The following NAALADL2 variants were observed in gnomAD, a reference collection of about 807,000 sequenced individuals.
NAALADL2 encodes the protein inactive N-acetylated-alpha-linked acidic dipeptidase-like protein 2.
NAALADL2 carries 76 observed loss-of-function variants against 87.2 expected under a neutral mutation model. That is an observed-to-expected ratio of 0.87 (90% confidence interval 0.72 to 1.05). The LOEUF is 1.05. Among genes scored for constraint, NAALADL2 ranks in the 50% least tolerant of loss-of-function variants. NAALADL2 has a pLI of 0.00. For missense variants in NAALADL2, 1,089 were observed against 945.8 expected (o/e 1.15, Z -1.99); for synonymous variants, 354 against 331.0 (o/e 1.07, Z -0.75).
At chr3:175,641,039 G>A (rs548720889) in intron 11 of NAALADL2, among the ~76,000 whole-genome samples, 18 of 152,210 alleles carry the variant, frequency 1.2e-4, no homozygotes, top group South Asian at 2.1e-4. Flanking sequence ...GCATTTATCC[G>A]TTGGCTTCTG....
At chr3:175,714,908 A>G (rs1179591291) in intron 11 of NAALADL2, among the ~76,000 whole-genome samples, 5 of 152,200 alleles carry the variant, frequency 3.3e-5, no homozygotes, top group Non-Finnish European at 5.9e-5. Flanking sequence ...CTTAAACGTA[A>G]GACCTAAAAC....
At chr3:175,020,513 C>T (rs1476664030) in intron 1 of NAALADL2, among the ~76,000 whole-genome samples, 1 of 151,962 alleles carries the variant, frequency 6.6e-6, no homozygotes, top group Non-Finnish European at 1.5e-5. Flanking sequence ...TTCATGGCAC[C>T]ACCATTCTCC....
chr3:174,835,671 C>A (rs1236439852), intron 3 of NAALADL2, among the ~76,000 whole-genome samples: 1 of 152,038 alleles, frequency 6.6e-6, no homozygotes, highest in Non-Finnish European at 1.5e-5. Context: ...ACTAAACAAT[C>A]TGATTTTTTA....
chr3:175,612,323 G>A (rs1347621126), intron 10 of NAALADL2, among the ~76,000 whole-genome samples: 2 of 152,100 alleles, frequency 1.3e-5, no homozygotes, highest in East Asian at 3.9e-4. Context: ...CTTAATATTT[G>A]ACAAAAAGAT....
At chr3:174,681,525 A>G (rs1727537523) in intron 2 of NAALADL2, among the ~76,000 whole-genome samples, 2 of 152,126 alleles carry the variant, frequency 1.3e-5, no homozygotes, top group South Asian at 2.1e-4. Context: ...TAGGACTCCA[A>G]TCAGAAACCT....
rs559047987 is a variant in NAALADL2 at position 174,811,485 on chromosome 3, G to A, written c.-9+73739G>A. Among the ~76,000 whole-genome samples, 4 of 152,306 alleles carry A rather than the reference G, an allele frequency of 2.6e-5. No homozygotes were observed. The East Asian group carries it at 7.7e-4, about 29-fold the overall frequency. ...ACTTAATGACTACCCTGCTGGGTTTGCACTTGCATGGGGCATGCAACCCTT... is the reference window on the plus strand; with the variant it reads ...ACTTAATGACTACCCTGCTGGGTTTACACTTGCATGGGGCATGCAACCCTT... On this transcript the variant is annotated intron_variant, in intron 3 of 3. Transcript: ENST00000434257.
intron 5 of NAALADL2, among the ~76,000 whole-genome samples, chr3:175,424,093 G>A (rs1187715421): frequency 7.2e-5 from 11 of 152,202 alleles, no homozygotes; most frequent in East Asian, 1.9e-4. Flanking sequence ...CATATCCTTC[G>A]CCCACTTGTT....
At chr3:175,388,987 C>A (rs1054099533) in intron 5 of NAALADL2, among the ~76,000 whole-genome samples, 1 of 151,914 alleles carries the variant, frequency 6.6e-6, no homozygotes, top group African/African-American at 2.4e-5. Context: ...TATTTTGTTT[C>A]TGTTTAATGG....
intron 1 of NAALADL2, among the ~76,000 whole-genome samples, chr3:174,962,433 G>GTCATAGTGACTATGACATA (rs1742245895): frequency 5.7e-5 from 3 of 52,250 alleles, no homozygotes; most frequent in East Asian, 3.0e-4. Context: ...ATATATATAT[G>GTCATAGTGACTATGACATA]TATATTTTTA....
intron 2 of NAALADL2, among the ~76,000 whole-genome samples, chr3:175,220,417 T>C (rs551154727): frequency 6.6e-6 from 1 of 152,052 alleles, no homozygotes; most frequent in African/African-American, 2.4e-5. Flanking sequence ...AGATTTTCTT[T>C]TGTGACAGTT....
intron 10 of NAALADL2, among the ~76,000 whole-genome samples, chr3:175,600,930 G>A (rs1722902628): frequency 6.6e-6 from 1 of 152,078 alleles, no homozygotes; most frequent in Non-Finnish European, 1.5e-5. Flanking sequence ...CATTTCAAAA[G>A]ATTTGAACTT....
chr3:174,735,323 C>T (rs1350357394), intron 2 of NAALADL2, among the ~76,000 whole-genome samples: 5 of 152,124 alleles, frequency 3.3e-5, no homozygotes, highest in African/African-American at 1.2e-4. Context: ...CATTACATAC[C>T]ATGTCTCTAA....
At position 175,287,862 on chromosome 3, in the gene NAALADL2, G is replaced by A. The variant is rs76870266; in HGVS notation, c.939+31332G>A. ...TCACCCTTTCTACATCATTGCAAGTGAATTTTTTCAAAAAGGAGTAACTTG... is the reference window on the plus strand; with the variant it reads ...TCACCCTTTCTACATCATTGCAAGTAAATTTTTTCAAAAAGGAGTAACTTG... On this transcript the variant is annotated intron_variant, in intron 4 of 13. Coordinates refer to ENST00000454872, the MANE Select transcript of NAALADL2 (RefSeq NM_207015.3). 6.4e-3 allele frequency among the ~76,000 whole-genome samples: 975 copies of A among 152,126 alleles called. 13 individuals are homozygous for A. Among genetic ancestry groups the A allele is most frequent in the African/African-American group, 0.022 (931 of 41,508 alleles).
At position 174,820,498 on chromosome 3, in the gene NAALADL2, T is replaced by G. The variant is rs565109659; in HGVS notation, c.-9+82752T>G. Among the ~76,000 whole-genome samples the G allele has an allele frequency of 5.3e-5, 8 of 152,280 alleles. No homozygotes were observed. The South Asian group carries it at 1.4e-3, about 28-fold the overall frequency. On this transcript the variant is annotated intron_variant, in intron 3 of 3. Transcript: ENST00000434257. Reference sequence around the variant, plus strand: ...AGTGGTCCTATAAACAGTGAGTATATCTATAAAAGCTCATAAACAAAAGAA... The same window carrying G: ...AGTGGTCCTATAAACAGTGAGTATAGCTATAAAAGCTCATAAACAAAAGAA...
intron 3 of NAALADL2, among the ~76,000 whole-genome samples, chr3:174,784,058 G>A (rs1716313180): frequency 1.3e-5 from 2 of 152,052 alleles, no homozygotes; most frequent in South Asian, 4.1e-4. Context: ...AACCTATATT[G>A]AATGCTTACT....
chr3:175,256,658 A>C, intron 4 of NAALADL2, 128 bp downstream of exon 4: 1 of 772,132 alleles, frequency 1.3e-6, no homozygotes, highest in Non-Finnish European at 1.9e-6. Flanking sequence ...GGGGAGAGGA[A>C]GAAAGAGAGG....
At chr3:175,611,437 A>G (rs1225357993) in intron 10 of NAALADL2, among the ~76,000 whole-genome samples, 5 of 152,026 alleles carry the variant, frequency 3.3e-5, no homozygotes, top group African/African-American at 4.8e-5. Context: ...ATTGATTCAT[A>G]AATCAATTAA....
rs189925259 is a variant in NAALADL2 at position 174,627,581 on chromosome 3, G to A, written c.-115+76944G>A. Among the ~76,000 whole-genome samples, 297 of 152,268 alleles carry A rather than the reference G, an allele frequency of 2.0e-3. 2 individuals are homozygous for A. Among genetic ancestry groups the A allele is most frequent in the African/African-American group, 6.6e-3 (276 of 41,554 alleles). ...ACTTTGATCCAGCAATCCCACTACT[G>A]CATGTTGTGTTTTATCCAAAGGAAA... On this transcript the variant is annotated intron_variant, in intron 2 of 3. Coordinates refer to the NAALADL2 transcript ENST00000434257.
chr3:175,304,103 A>C (rs1290011734), intron 4 of NAALADL2, among the ~76,000 whole-genome samples: 1 of 152,160 alleles, frequency 6.6e-6, no homozygotes, highest in African/African-American at 2.4e-5. Context: ...TTTCAAGACA[A>C]AGTAATCATT....
Sources: gnomAD v4.1 joint callset for allele counts (sites outside exome capture counted in the v4.1 genomes callset) on GRCh38, gnomAD v4.1.1 for gene constraint, MANE v1.5 for transcripts, NCBI Gene and HGNC (gene_info 2026-07-23, HGNC 2026-07-21) for gene names.